Variants in CCSER1 observed in about 807,000 individuals in gnomAD.
The protein encoded by CCSER1 is serine-rich coiled-coil domain-containing protein 1.
Under a neutral mutation model 82.0 loss-of-function variants are expected in CCSER1, and 41 were observed. The observed-to-expected ratio is 0.50, with a 90% CI of 0.39 to 0.65. The LOEUF (loss-of-function observed/expected upper bound fraction) is 0.65, where lower values mean the gene tolerates loss of function less well. Among genes scored for constraint, CCSER1 ranks in the 30% least tolerant of loss-of-function variants. CCSER1 has a pLI of 0.00. For missense variants in CCSER1, 1,119 were observed against 1,064.2 expected (o/e 1.05, Z -0.72); for synonymous variants, 414 against 383.9 (o/e 1.08, Z -0.92).
intron 8 of CCSER1, among the ~76,000 whole-genome samples, chr4:90,865,666 A>G (rs1765645857): frequency 6.6e-6 from 1 of 151,996 alleles, no homozygotes; most frequent in Non-Finnish European, 1.5e-5. Context: ...TACACAAATA[A>G]TCATTTCAGT....
At chr4:91,541,455 C>T (rs1480565344) in intron 10 of CCSER1, among the ~76,000 whole-genome samples, 1 of 152,148 alleles carries the variant, frequency 6.6e-6, no homozygotes, top group Non-Finnish European at 1.5e-5. Context: ...TCAATTCCCA[C>T]CTATGAGTGA....
At chr4:90,718,505 A>G (rs1242712028) in intron 6 of CCSER1, among the ~76,000 whole-genome samples, 2 of 152,154 alleles carry the variant, frequency 1.3e-5, no homozygotes, top group African/African-American at 2.4e-5. Context: ...ACCCAAACAA[A>G]TAGATCATTT....
At chr4:90,284,092 A>G (rs1384123197) in intron 1 of CCSER1, among the ~76,000 whole-genome samples, 1 of 152,050 alleles carries the variant, frequency 6.6e-6, no homozygotes, top group Non-Finnish European at 1.5e-5. Flanking sequence ...AGCAATTTTC[A>G]TATACCAGTA....
At chr4:90,372,280 G>A (rs1747566713) in intron 3 of CCSER1, among the ~76,000 whole-genome samples, 1 of 152,070 alleles carries the variant, frequency 6.6e-6, no homozygotes, top group Non-Finnish European at 1.5e-5. Flanking sequence ...GTTTAAAAAT[G>A]GTAACTCACT....
intron 6 of CCSER1, among the ~76,000 whole-genome samples, chr4:90,661,225 T>C (rs6853918): frequency 0.51 from 77,462 of 151,486 alleles, 19,983 homozygotes; most frequent in Middle Eastern, 0.66. Context: ...TTAACTGTGC[T>C]TTTAATTTAT....
chr4:90,508,888 A>C (rs1771091072), intron 5 of CCSER1, among the ~76,000 whole-genome samples: 2 of 152,192 alleles, frequency 1.3e-5, no homozygotes, highest in Admixed American at 6.5e-5. Flanking sequence ...ACTATAACTA[A>C]ATTTGGGGTA....
Position 91,306,333 on chromosome 4 carries a change from T to C in CCSER1, c.2217+220339T>C, listed in dbSNP as rs2149246805. On this transcript the variant is annotated intron_variant, in intron 10 of 10. Coordinates refer to ENST00000509176, the MANE Select transcript of CCSER1 (RefSeq NM_001145065.2). ...ATTTGAAGACTTAAATTGCTTTAGC[T>C]TTTTGTTTTGGTTTGCTTTGGCTTT... 2.0e-5 allele frequency among the ~76,000 whole-genome samples: 3 copies of C among 152,182 alleles called. No homozygotes were observed. The Middle Eastern group carries it at 0.01, about 518-fold the overall frequency.
chr4:90,958,230 T>C (rs1025701494), intron 9 of CCSER1, among the ~76,000 whole-genome samples: 2 of 152,222 alleles, frequency 1.3e-5, no homozygotes, highest in Non-Finnish European at 2.9e-5. Context: ...TCAAGGGCAA[T>C]GTAACTAGGT....
chr4:91,594,683 A>T (rs1203945673), intron 10 of CCSER1, among the ~76,000 whole-genome samples: 1 of 152,000 alleles, frequency 6.6e-6, no homozygotes, highest in African/African-American at 2.4e-5. Context: ...TGATTGTTAG[A>T]GTTTCTTCAA....
intron 10 of CCSER1, among the ~76,000 whole-genome samples, chr4:91,470,757 G>T (rs1757229862): frequency 6.6e-6 from 1 of 152,116 alleles, no homozygotes; most frequent in Non-Finnish European, 1.5e-5. Flanking sequence ...CCATCTGCCA[G>T]TAAATCCTTG....
intron 5 of CCSER1, among the ~76,000 whole-genome samples, chr4:90,549,198 A>C (rs144219665): frequency 6.6e-6 from 1 of 152,274 alleles, no homozygotes; most frequent in African/African-American, 2.4e-5. Flanking sequence ...GTTGGCCATG[A>C]TTTAGCAAAA....
At position 91,337,873 on chromosome 4, in the gene CCSER1, C is replaced by T. The variant is rs77284332; in HGVS notation, c.2217+251879C>T. ...TCAGGACACTTTAAAGATCTTATCA[C>T]GTTTAAGTTTTGTTACTGTTACAAT... On this transcript the variant is annotated intron_variant, in intron 10 of 10. Transcript: ENST00000509176. Among the ~76,000 whole-genome samples the T allele has an allele frequency of 1.2e-3, 185 of 152,132 alleles. 1 individual carries two copies. Among genetic ancestry groups the T allele is most frequent in the Middle Eastern group, 6.8e-3 (2 of 294 alleles).
chr4:90,418,249 C>G (rs1248876080), intron 4 of CCSER1, among the ~76,000 whole-genome samples: 3 of 151,990 alleles, frequency 2.0e-5, no homozygotes, highest in Non-Finnish European at 4.4e-5. Flanking sequence ...AGAACTACTG[C>G]TAATACCATT....
At chr4:90,441,649 G>A (rs960831654) in intron 4 of CCSER1, among the ~76,000 whole-genome samples, 1 of 152,160 alleles carries the variant, frequency 6.6e-6, no homozygotes, top group African/African-American at 2.4e-5. Flanking sequence ...TATCTGTGTT[G>A]CTACTATGCC....
chr4:91,275,038 A>G (rs112588824), intron 10 of CCSER1, among the ~76,000 whole-genome samples: 17,010 of 151,894 alleles, frequency 0.11, 1,405 homozygotes, highest in African/African-American at 0.23. Flanking sequence ...CCCGGGAGGC[A>G]GAGCTTGCAG....
At chr4:91,566,038 G>C (rs1358987965) in intron 10 of CCSER1, among the ~76,000 whole-genome samples, 2 of 152,168 alleles carry the variant, frequency 1.3e-5, no homozygotes, top group East Asian at 1.9e-4. Context: ...GTCATAGATA[G>C]CTCTTATTAT....
chr4:91,250,583 A>G (rs1740176959), intron 10 of CCSER1, among the ~76,000 whole-genome samples: 1 of 151,602 alleles, frequency 6.6e-6, no homozygotes, highest in Non-Finnish European at 1.5e-5. Context: ...ATATATATAT[A>G]TTTGTATTGT....
intron 10 of CCSER1, among the ~76,000 whole-genome samples, chr4:91,188,519 T>C (rs1390957348): frequency 6.6e-6 from 1 of 152,230 alleles, no homozygotes; most frequent in Non-Finnish European, 1.5e-5. Flanking sequence ...TTACACATTT[T>C]CAGGAATAGC....
intron 9 of CCSER1, among the ~76,000 whole-genome samples, chr4:90,986,026 A>G (rs934298268): frequency 6.6e-6 from 1 of 151,754 alleles, no homozygotes; most frequent in African/African-American, 2.4e-5. Context: ...CATTCTGAGA[A>G]CCCATAAATG....
Sources: allele counts gnomAD v4.1 joint callset (sites outside exome capture counted in the v4.1 genomes callset), GRCh38; gene constraint gnomAD v4.1.1; transcripts MANE v1.5; gene names NCBI Gene and HGNC (gene_info 2026-07-23, HGNC 2026-07-21).